The following SGCZ variants were observed in gnomAD, a reference collection of about 807,000 sequenced individuals.
SGCZ encodes sarcoglycan zeta.
SGCZ carries 40 observed loss-of-function variants against 41.3 expected under a neutral mutation model. The ratio of observed to expected loss-of-function variants is 0.97; its 90% CI spans 0.75 to 1.26. SGCZ has a LOEUF of 1.26. SGCZ is among the 50% of genes most tolerant of loss of function. The probability of loss-of-function intolerance (pLI) is 0.00; values close to 1 mark genes in which losing one functional copy is unlikely to be tolerated. For missense variants in SGCZ, 552 were observed against 369.8 expected (o/e 1.49, Z -4.04); for synonymous variants, 206 against 137.5 (o/e 1.50, Z -3.49).
At chr8:14,298,908 A>G (rs1213155635) in intron 3 of SGCZ, among the ~76,000 whole-genome samples, 2 of 151,990 alleles carry the variant, frequency 1.3e-5, no homozygotes, top group Non-Finnish European at 2.9e-5. Flanking sequence ...ATATTTGGAT[A>G]TCTTATAGTA....
chr8:15,032,672 C>G lies in SGCZ; in HGVS notation c.39+204913G>C, dbSNP rs571867809. 3.3e-5 allele frequency among the ~76,000 whole-genome samples: 5 copies of G among 152,238 alleles called. No individual in the cohort carries two copies. In the East Asian group the frequency reaches 9.7e-4, roughly 29 times the overall value. ...GGGGCCTTGGGCTTAGGACCTACCC[C>G]ATTGCCAGGTCAGCCCCCAGAGATT... is the stretch of plus-strand genomic sequence containing the variant. On this transcript the variant is annotated intron_variant, in intron 1 of 7. Coordinates refer to ENST00000382080, the MANE Select transcript of SGCZ (RefSeq NM_139167.4).
intron 1 of SGCZ, among the ~76,000 whole-genome samples, chr8:15,180,633 C>T (rs995014057): frequency 6.6e-6 from 1 of 151,678 alleles, no homozygotes; most frequent in African/African-American, 2.4e-5. Flanking sequence ...CGCCTGTAAT[C>T]CCAGCACTTT....
chr8:15,225,490 G>A (rs1249412690), intron 1 of SGCZ, among the ~76,000 whole-genome samples: 1 of 152,188 alleles, frequency 6.6e-6, no homozygotes, highest in African/African-American at 2.4e-5. Flanking sequence ...GTGTTTGAGT[G>A]TGTGTATCTG....
At chr8:14,119,763 T>TA (rs1802640875) in intron 5 of SGCZ, among the ~76,000 whole-genome samples, 1 of 152,202 alleles carries the variant, frequency 6.6e-6, no homozygotes, top group African/African-American at 2.4e-5. Flanking sequence ...TGAGAGTTTT[T>TA]AGCATGAAGT....
intron 1 of SGCZ, among the ~76,000 whole-genome samples, chr8:14,813,504 A>G (rs1317781540): frequency 1.3e-5 from 2 of 152,200 alleles, no homozygotes; most frequent in Non-Finnish European, 2.9e-5. Flanking sequence ...ATTTTGTTCA[A>G]TAAAATGAAG....
At chr8:15,003,261 G>A (rs777150977) in intron 1 of SGCZ, among the ~76,000 whole-genome samples, 2 of 152,128 alleles carry the variant, frequency 1.3e-5, no homozygotes, top group African/African-American at 2.4e-5. Flanking sequence ...TCTGAAAGAC[G>A]AAGCAGAGAG....
At chr8:14,708,699 A>T in intron 1 of SGCZ, among the ~76,000 whole-genome samples, 1 of 152,098 alleles carries the variant, frequency 6.6e-6, no homozygotes, top group African/African-American at 2.4e-5. Flanking sequence ...ACTACTTTTT[A>T]AAAAGTATTT....
intron 1 of SGCZ, among the ~76,000 whole-genome samples, chr8:15,057,837 C>A (rs1439598952): frequency 6.6e-6 from 1 of 152,138 alleles, no homozygotes; most frequent in African/African-American, 2.4e-5. Context: ...AATTTATATC[C>A]TTTATCTTTC....
At chr8:14,915,794 C>T (rs1799417820) in intron 1 of SGCZ, among the ~76,000 whole-genome samples, 1 of 152,128 alleles carries the variant, frequency 6.6e-6, no homozygotes, top group Non-Finnish European at 1.5e-5. Flanking sequence ...AGGAATTGCT[C>T]TCCTCTCTCC....
At chr8:14,149,755 T>C (rs1803641236) in intron 5 of SGCZ, among the ~76,000 whole-genome samples, 1 of 151,270 alleles carries the variant, frequency 6.6e-6, no homozygotes, top group South Asian at 2.1e-4. Context: ...ACTGGAGTAA[T>C]ACATCACCTG....
intron 4 of SGCZ, among the ~76,000 whole-genome samples, chr8:14,191,557 G>A (rs1805103863): frequency 6.6e-6 from 1 of 152,074 alleles, no homozygotes; most frequent in Admixed American, 6.5e-5. Flanking sequence ...TGTATCATTT[G>A]GAAATGTACA....
intron 7 of SGCZ, 54 bp from the exon 8 acceptor site, chr8:14,090,691 T>TAATC (rs1801664314): frequency 6.8e-7 from 1 of 1,462,350 alleles, no homozygotes; most frequent in South Asian, 1.2e-5. Context: ...TAGCATCGAG[T>TAATC]AATCTACATC....
intron 1 of SGCZ, among the ~76,000 whole-genome samples, chr8:15,035,988 T>C (rs918445987): frequency 2.7e-5 from 4 of 150,598 alleles, no homozygotes; most frequent in Non-Finnish European, 5.9e-5. Flanking sequence ...TAAGACAACA[T>C]TAAAGATCAG....
chr8:14,607,962 A>C (rs1237974192), intron 1 of SGCZ, among the ~76,000 whole-genome samples: 3 of 152,154 alleles, frequency 2.0e-5, no homozygotes, highest in African/African-American at 7.2e-5. Flanking sequence ...AAAGACAAAA[A>C]CCAGCTATTT....
chr8:14,536,129 G>C (rs1345431411), intron 2 of SGCZ, among the ~76,000 whole-genome samples: 1 of 151,786 alleles, frequency 6.6e-6, no homozygotes, highest in Non-Finnish European at 1.5e-5. Flanking sequence ...ATTTTGTTTA[G>C]CATATACATA....
chr8:14,476,227 A>G (rs1801356277), intron 2 of SGCZ, among the ~76,000 whole-genome samples: 2 of 152,094 alleles, frequency 1.3e-5, no homozygotes, highest in Non-Finnish European at 2.9e-5. Flanking sequence ...ATCAGGAGTA[A>G]AAGAGGTCCC....
At chr8:15,021,651 G>C (rs956917693) in intron 1 of SGCZ, among the ~76,000 whole-genome samples, 1 of 152,172 alleles carries the variant, frequency 6.6e-6, no homozygotes, top group African/African-American at 2.4e-5. Flanking sequence ...GGGATGTGAC[G>C]TGTTAATCCA....
At chr8:14,559,667 C>T (rs552870556) in intron 1 of SGCZ, among the ~76,000 whole-genome samples, 1 of 151,932 alleles carries the variant, frequency 6.6e-6, no homozygotes, top group African/African-American at 2.4e-5. Flanking sequence ...CATTAATGTC[C>T]TGTTAAATCT....
chr8:14,486,892 C>A (rs1379167378), intron 2 of SGCZ, among the ~76,000 whole-genome samples: 1 of 152,202 alleles, frequency 6.6e-6, no homozygotes, highest in Non-Finnish European at 1.5e-5. Flanking sequence ...TAGCATACAT[C>A]TCTCATGGAA....
Sources: gnomAD v4.1 joint callset for allele counts (sites outside exome capture counted in the v4.1 genomes callset) on GRCh38, gnomAD v4.1.1 for gene constraint, MANE v1.5 for transcripts, NCBI Gene and HGNC (gene_info 2026-07-23, HGNC 2026-07-21) for gene names.